Variants in KCNQ3 observed in about 807,000 individuals in gnomAD.
KCNQ3 encodes potassium voltage-gated channel subfamily Q member 3.
KCNQ3 carries 30 observed loss-of-function variants against 92.5 expected under a neutral mutation model. That is an observed-to-expected ratio of 0.32 (90% confidence interval 0.24 to 0.44). The LOEUF is 0.44. Ranked by LOEUF, KCNQ3 falls within the 20% of genes least tolerant of loss-of-function variation. The pLI is 1.00. For missense variants in KCNQ3, 913 were observed against 1,140.3 expected (o/e 0.80, Z 2.87); for synonymous variants, 450 against 468.8 (o/e 0.96, Z 0.52).
chr8:132,368,588 G>C (rs183151048), intron 1 of KCNQ3, among the ~76,000 whole-genome samples: 71 of 152,220 alleles, frequency 4.7e-4, no homozygotes, highest in African/African-American at 1.7e-3. Flanking sequence ...CGGGGGTCAA[G>C]GCTGCACTGA....
At chr8:132,279,232 T>G (rs1816438713) in intron 1 of KCNQ3, among the ~76,000 whole-genome samples, 1 of 152,202 alleles carries the variant, frequency 6.6e-6, no homozygotes, top group African/African-American at 2.4e-5. Flanking sequence ...AAAATGCAGA[T>G]GCTTAGATCC....
rs544813528 is a variant in KCNQ3, at chr8:132,242,726, G to T, written c.387-56545C>A. Among the ~76,000 whole-genome samples the T allele has an allele frequency of 3.1e-3, 476 of 152,324 alleles. 6 individuals carry two copies. Among genetic ancestry groups the T allele is most frequent in the South Asian group, 0.023 (113 of 4,824 alleles). On this transcript the variant is annotated intron_variant, in intron 1 of 14. Transcript: ENST00000388996. ...GGTACCAAATGAATATTTATCGAATGAATGAATGAATAATTGAATTATTTT... is the reference window on the plus strand; with the variant it reads ...GGTACCAAATGAATATTTATCGAATTAATGAATGAATAATTGAATTATTTT...
intron 1 of KCNQ3, among the ~76,000 whole-genome samples, chr8:132,473,898 C>A (rs1487606853): frequency 6.6e-6 from 1 of 152,228 alleles, no homozygotes; most frequent in African/African-American, 2.4e-5. Flanking sequence ...TGTTCCAGAG[C>A]AGCTGCTGGC....
At chr8:132,212,741 A>G (rs1442682798) in intron 1 of KCNQ3, among the ~76,000 whole-genome samples, 1 of 152,130 alleles carries the variant, frequency 6.6e-6, no homozygotes, top group Non-Finnish European at 1.5e-5. Context: ...CCCACAGATT[A>G]CATCTTCCCC....
intron 1 of KCNQ3, among the ~76,000 whole-genome samples, chr8:132,285,866 G>T (rs1467279246): frequency 2.0e-5 from 3 of 152,146 alleles, no homozygotes; most frequent in Non-Finnish European, 4.4e-5. Context: ...GCTACCTAGG[G>T]ACTCTGCTCC....
intron 5 of KCNQ3, 33 bp downstream of exon 5, chr8:132,175,420 C>T: frequency 6.2e-7 from 1 of 1,612,566 alleles, no homozygotes; most frequent in Non-Finnish European, 8.5e-7. Context: ...GACAGTCAAT[C>T]TCACAGAATT....
At chr8:132,241,323 C>A (rs569336742) in intron 1 of KCNQ3, among the ~76,000 whole-genome samples, 10 of 152,132 alleles carry the variant, frequency 6.6e-5, no homozygotes, top group African/African-American at 2.4e-4. Flanking sequence ...TTTTTGAGTA[C>A]AATGTAAAAT....
intron 1 of KCNQ3, among the ~76,000 whole-genome samples, chr8:132,254,001 G>A (rs1815496307): frequency 6.6e-6 from 1 of 152,242 alleles, no homozygotes; most frequent in South Asian, 2.1e-4. Flanking sequence ...CTATTAAGAA[G>A]ATGTAGGAGG....
intron 10 of KCNQ3, 177 bp from the exon 11 acceptor site, chr8:132,140,355 C>T (rs920929128): frequency 1.9e-5 from 11 of 580,674 alleles, no homozygotes; most frequent in Non-Finnish European, 3.4e-5. Flanking sequence ...CCTTTCTTGG[C>T]ACCCTCATTC....
intron 1 of KCNQ3, among the ~76,000 whole-genome samples, chr8:132,467,663 C>T (rs1587049726): frequency 1.3e-5 from 2 of 152,228 alleles, no homozygotes; most frequent in Admixed American, 1.3e-4. Flanking sequence ...CCTCACCTCA[C>T]ATGGATCAAT....
chr8:132,463,479 C>T (rs1334577734), intron 1 of KCNQ3, among the ~76,000 whole-genome samples: 1 of 152,202 alleles, frequency 6.6e-6, no homozygotes, highest in Non-Finnish European at 1.5e-5. Flanking sequence ...CTCAAGTGAA[C>T]CGAAAACTCT....
chr8:132,314,707 A>T (rs1470691351), intron 1 of KCNQ3, among the ~76,000 whole-genome samples: 1 of 152,252 alleles, frequency 6.6e-6, no homozygotes, highest in Non-Finnish European at 1.5e-5. Flanking sequence ...TGGGTGAAGG[A>T]ATAAGAATGA....
At chr8:132,378,283 C>A (rs1819662218) in intron 1 of KCNQ3, among the ~76,000 whole-genome samples, 1 of 151,912 alleles carries the variant, frequency 6.6e-6, no homozygotes, top group Non-Finnish European at 1.5e-5. Context: ...GTCCAAGCTA[C>A]TGGGAGGCTG....
rs1330536784 is a variant in KCNQ3, at chr8:132,127,207, T to TGGAA, written c.*2051_*2054dup. ...TCCTTCAGATTGCCAGCATGTCAAA[T>TGGAA]GGAAGCCCGTGGGGCTTCATGTCTG... On this transcript the variant is annotated 3_prime_UTR_variant, in exon 15 of 15. Coordinates refer to ENST00000388996, the MANE Select transcript of KCNQ3 (RefSeq NM_004519.4). The TGGAA allele has an allele frequency of 6.6e-6, 1 of 152,236 alleles. No individual in the cohort carries two copies. Among genetic ancestry groups the TGGAA allele is most frequent in the African/African-American group, 2.4e-5 (1 of 41,456 alleles). The allele number at this position is 152,236 out of a possible 1,614,324, so 9.4% of individuals were successfully genotyped here.
intron 1 of KCNQ3, among the ~76,000 whole-genome samples, chr8:132,396,764 G>T (rs1393904477): frequency 6.6e-6 from 1 of 152,186 alleles, no homozygotes; most frequent in Non-Finnish European, 1.5e-5. Flanking sequence ...CAGATACAGA[G>T]AGTATCTGGG....
chr8:132,399,302 TG>T (rs1820275355), intron 1 of KCNQ3, among the ~76,000 whole-genome samples: 1 of 152,202 alleles, frequency 6.6e-6, no homozygotes, highest in South Asian at 2.1e-4. Context: ...TTGCTTTCAA[TG>T]CATTCGATCA....
intron 1 of KCNQ3, among the ~76,000 whole-genome samples, chr8:132,419,945 T>C (rs141183196): frequency 6.6e-6 from 1 of 152,180 alleles, no homozygotes; most frequent in Non-Finnish European, 1.5e-5. Context: ...ATGGGTACTG[T>C]CTCAGTCAGT....
intron 1 of KCNQ3, among the ~76,000 whole-genome samples, chr8:132,461,437 C>T (rs1053157539): frequency 7.2e-5 from 11 of 152,074 alleles, no homozygotes; most frequent in Non-Finnish European, 5.9e-5. Context: ...TGGTGGTGGG[C>T]ACCTGTAATC....
intron 1 of KCNQ3, among the ~76,000 whole-genome samples, chr8:132,281,741 G>T (rs1051056243): frequency 3.3e-5 from 5 of 152,018 alleles, no homozygotes; most frequent in Non-Finnish European, 7.4e-5. Context: ...ACTGCAGCCT[G>T]GGAGAACTTT....
Sources: gnomAD v4.1 joint callset for allele counts (sites outside exome capture counted in the v4.1 genomes callset) on GRCh38, gnomAD v4.1.1 for gene constraint, MANE v1.5 for transcripts, NCBI Gene and HGNC (gene_info 2026-07-23, HGNC 2026-07-21) for gene names.